The following SSH2 variants were observed in gnomAD, a reference collection of about 807,000 sequenced individuals.
SSH2 encodes the protein protein phosphatase Slingshot homolog 2.
SSH2 carries 37 observed loss-of-function variants against 135.2 expected under a neutral mutation model. The observed-to-expected ratio is 0.27, with a 90% CI of 0.21 to 0.36. The LOEUF (loss-of-function observed/expected upper bound fraction) is 0.36, where lower values mean the gene tolerates loss of function less well. Ranked by LOEUF, SSH2 falls within the 10% of genes least tolerant of loss-of-function variation. The probability of loss-of-function intolerance (pLI) is 1.00; values close to 1 mark genes in which losing one functional copy is unlikely to be tolerated. For synonymous variants in SSH2, 628 were observed against 646.2 expected (o/e 0.97, Z 0.43); for missense variants, 1,408 against 1,765.3 (o/e 0.80, Z 3.63).
At position 29,896,367 on chromosome 17, in the gene SSH2, A is replaced by G. The variant is rs925146403; in HGVS notation, c.63+33571T>C. Among the ~76,000 whole-genome samples, 17 of 140,524 alleles carry G rather than the reference A, an allele frequency of 1.2e-4. No individual in the cohort carries two copies. In the East Asian group the frequency reaches 2.0e-3, roughly 17 times the overall value. The allele number at this position is 140,524 out of a possible 152,430, so 92.2% of individuals were successfully genotyped here. The stretch of plus-strand genomic sequence containing the variant: ...TTTATATACACATTTCATGTATAAA[A>G]TGTATTTTATATACACATTTCATGT... On this transcript the variant is annotated intron_variant, in intron 1 of 15. Transcript: ENST00000540801.
intron 5 of SSH2, among the ~76,000 whole-genome samples, chr17:29,689,877 C>T (rs2151090357): frequency 6.6e-6 from 1 of 151,820 alleles, no homozygotes; most frequent in Non-Finnish European, 1.5e-5. Context: ...AGCAGGGCAT[C>T]ATGGCATGTA....
At chr17:29,733,569 GT>G (rs577773109) in intron 3 of SSH2, among the ~76,000 whole-genome samples, 19 of 152,160 alleles carry the variant, frequency 1.2e-4, no homozygotes, top group African/African-American at 4.6e-4. Context: ...CAAATCAGCA[GT>G]TAGTGCTATA....
chr17:29,914,154 T>C (rs1000463730), intron 1 of SSH2, among the ~76,000 whole-genome samples: 4 of 152,064 alleles, frequency 2.6e-5, no homozygotes. Flanking sequence ...ACCTTACAAG[T>C]CACAGTTGAG....
chr17:29,866,829 A>ATTTAC (rs981812658), intron 1 of SSH2, among the ~76,000 whole-genome samples: 4 of 151,772 alleles, frequency 2.6e-5, no homozygotes, highest in Non-Finnish European at 5.9e-5. Context: ...GTGTAGTTTT[A>ATTTAC]TTTATTTTAT....
Position 29,889,802 on chromosome 17 carries a change from C to CAA in SSH2, c.63+40134_63+40135dup, listed in dbSNP as rs534822390. 1.1e-3 allele frequency among the ~76,000 whole-genome samples: 53 copies of CAA among 49,484 alleles called. 2 individuals are homozygous for CAA. Among genetic ancestry groups the CAA allele is most frequent in the African/African-American group, 2.8e-3 (37 of 13,304 alleles). The allele number at this position is 49,484 out of a possible 152,430, so 32.5% of individuals were successfully genotyped here. A position where few individuals can be genotyped will look rare whatever the true frequency, so the allele number is the denominator to read the frequency against. ...CAACACAGTGAGGCCCCATCTCTAC[C>CAA]AAAAAAAAAAAAAAAAAAAAAAAAA... On this transcript the variant is annotated intron_variant, in intron 1 of 15. Transcript: ENST00000540801.
At chr17:29,818,410 G>A (rs879726190) in intron 2 of SSH2, among the ~76,000 whole-genome samples, 6 of 151,644 alleles carry the variant, frequency 4.0e-5, no homozygotes, top group African/African-American at 7.3e-5. Flanking sequence ...CACCAAGCCC[G>A]GCTAATTTTT....
At chr17:29,899,545 T>A (rs966245209) in intron 1 of SSH2, among the ~76,000 whole-genome samples, 3 of 152,124 alleles carry the variant, frequency 2.0e-5, no homozygotes, top group South Asian at 2.1e-4. Context: ...TCAAAGAGAA[T>A]AAAATACCTA....
chr17:29,897,901 A>T (rs866962937), intron 1 of SSH2, among the ~76,000 whole-genome samples: 9 of 152,204 alleles, frequency 5.9e-5, no homozygotes, highest in South Asian at 4.1e-4. Context: ...CAGCAAATGT[A>T]AAAGAATAGA....
At chr17:29,791,258 G>A (rs965665071) in intron 3 of SSH2, among the ~76,000 whole-genome samples, 1 of 151,682 alleles carries the variant, frequency 6.6e-6, no homozygotes, top group Admixed American at 6.6e-5. Flanking sequence ...CTAATTTTTT[G>A]TATTTTTAGC....
intron 8 of SSH2, chr17:29,674,239 A>G: frequency 2.2e-6 from 1 of 449,820 alleles, no homozygotes; most frequent in Non-Finnish European, 4.5e-6. Context: ...TATTAGGAAA[A>G]CACATTTTTC....
At chr17:29,908,874 C>T (rs778825507) in intron 1 of SSH2, among the ~76,000 whole-genome samples, 2 of 150,426 alleles carry the variant, frequency 1.3e-5, no homozygotes, top group East Asian at 2.0e-4. Flanking sequence ...GTCAGGAGAT[C>T]GAGACCATCC....
intron 11 of SSH2, among the ~76,000 whole-genome samples, chr17:29,666,159 G>GCTC (rs2037265229): frequency 6.6e-6 from 1 of 152,138 alleles, no homozygotes; most frequent in African/African-American, 2.4e-5. Flanking sequence ...GATTGCTTGA[G>GCTC]CTCAGGAGTT....
intron 3 of SSH2, among the ~76,000 whole-genome samples, chr17:29,710,671 T>A (rs560974422): frequency 6.6e-6 from 1 of 152,144 alleles, no homozygotes; most frequent in Non-Finnish European, 1.5e-5. Flanking sequence ...AATTTCATAA[T>A]AAAAAGTTTC....
intron 3 of SSH2, among the ~76,000 whole-genome samples, chr17:29,712,888 C>T (rs1439531568): frequency 6.6e-6 from 1 of 152,208 alleles, no homozygotes; most frequent in Non-Finnish European, 1.5e-5. Flanking sequence ...CTGATTTACC[C>T]TAAAATCACA....
intron 3 of SSH2, among the ~76,000 whole-genome samples, chr17:29,754,823 T>C (rs898519448): frequency 3.3e-5 from 5 of 152,114 alleles, no homozygotes; most frequent in Admixed American, 6.5e-5. Context: ...CGCACCACCA[T>C]GCCCAGCTAA....
At position 29,850,004 on chromosome 17, in the gene SSH2, T is replaced by C. The variant is rs1599088618; in HGVS notation, c.64-1075A>G. On this transcript the variant is annotated intron_variant, in intron 1 of 15. Transcript: ENST00000540801. ...GAGATCACGCCATTGCACTCCAGCC[T>C]GGGTGACAGTGCAAGACTCCATCTC... Among the ~76,000 whole-genome samples, 3 of 121,192 alleles carry C rather than the reference T, an allele frequency of 2.5e-5. 1 individual carries two copies. In the Admixed American group the frequency reaches 3.2e-4, roughly 13 times the overall value. 79.5% of individuals were successfully genotyped at this position (121,192 alleles called of 152,430 possible).
intron 3 of SSH2, among the ~76,000 whole-genome samples, chr17:29,764,596 C>T (rs2041402502): frequency 6.6e-6 from 1 of 152,186 alleles, no homozygotes; most frequent in African/African-American, 2.4e-5. Context: ...AAATTTTGCA[C>T]AAAGGCCCTG....
intron 2 of SSH2, among the ~76,000 whole-genome samples, chr17:29,811,099 G>T (rs1307887561): frequency 6.6e-6 from 1 of 152,074 alleles, no homozygotes; most frequent in Non-Finnish European, 1.5e-5. Context: ...GGGTTCAAGC[G>T]ATTCTACTGC....
chr17:29,688,210 C>T (rs1344111180), intron 5 of SSH2, among the ~76,000 whole-genome samples: 2 of 152,136 alleles, frequency 1.3e-5, no homozygotes, highest in Non-Finnish European at 2.9e-5. Context: ...GGGGTTTCAC[C>T]ATGTTGGCCA....
Sources: allele counts gnomAD v4.1 joint callset (sites outside exome capture counted in the v4.1 genomes callset), GRCh38; gene constraint gnomAD v4.1.1; transcripts MANE v1.5; gene names NCBI Gene and HGNC (gene_info 2026-07-23, HGNC 2026-07-21).